The following PLEKHH2 variants were observed in gnomAD, a reference collection of about 807,000 sequenced individuals.
PLEKHH2 encodes the protein pleckstrin homology, MyTH4 and FERM domain containing H2, also known as pleckstrin homology domain-containing family H member 2.
PLEKHH2 carries 129 observed loss-of-function variants against 187.9 expected under a neutral mutation model. That is an observed-to-expected ratio of 0.69 (90% confidence interval 0.59 to 0.79). The LOEUF (loss-of-function observed/expected upper bound fraction) is 0.79. Among genes scored for constraint, PLEKHH2 ranks in the 30% least tolerant of loss-of-function variants. PLEKHH2 has a pLI of 0.00. For missense variants in PLEKHH2, 2,076 were observed against 1,751.2 expected, an observed-to-expected ratio of 1.19 and a Z score of -3.31; for synonymous variants, 686 against 605.6, an observed-to-expected ratio of 1.13 and a Z score of -1.95.
At position 43,707,468 on chromosome 2, in the gene PLEKHH2, C is replaced by T; in HGVS notation, c.1889C>T (p.Ser630Phe). 6.2e-7 allele frequency: 1 copy of T among 1,614,138 alleles called. No homozygotes were observed. Among genetic ancestry groups the T allele is most frequent in the Admixed American group, 1.7e-5 (1 of 60,016 alleles). ...DSSGSEEEDSSRSSSRTSESD... is the reference protein window; with the variant it reads ...DSSGSEEEDSFRSSSRTSESD... ...TCTGGGTCAGAGGAAGAAGACAGCT[C>T]CAGATCCAGCTCCCGGACGTCAGAG... Residue 630 changes from serine (S) to phenylalanine (F), a missense_variant, in exon 11 of 30, where the codon TCC (serine) becomes TTC (phenylalanine). Coordinates refer to ENST00000282406, the MANE Select transcript of PLEKHH2 (RefSeq NM_172069.4).
chr2:43,676,315 G>A (rs1667785227), intron 2 of PLEKHH2: 1 of 1,605,410 alleles, frequency 6.2e-7, no homozygotes, highest in African/African-American at 1.3e-5. Flanking sequence ...CCCACTAGCG[G>A]AAACCATTTT....
chr2:43,667,360 A>G (rs1667268083), intron 2 of PLEKHH2, among the ~76,000 whole-genome samples: 1 of 152,230 alleles, frequency 6.6e-6, no homozygotes, highest in African/African-American at 2.4e-5. Flanking sequence ...TTGTGCAGCC[A>G]CTGTGGAAAA....
At chr2:43,656,990 G>C (rs1437162442) in intron 2 of PLEKHH2, among the ~76,000 whole-genome samples, 1 of 152,152 alleles carries the variant, frequency 6.6e-6, no homozygotes, top group Non-Finnish European at 1.5e-5. Context: ...TTGCACTCTA[G>C]CCTGGGCAAC....
intron 2 of PLEKHH2, among the ~76,000 whole-genome samples, chr2:43,667,843 CT>C (rs1230829430): frequency 6.6e-6 from 1 of 152,058 alleles, no homozygotes; most frequent in African/African-American, 2.4e-5. Flanking sequence ...GGTGATGAAA[CT>C]GTTCTGGAAT....
Position 43,753,700 on chromosome 2 carries a change from A to AAATG in PLEKHH2, c.3736_3739dup (p.Gly1247GlufsTer27). 6.3e-7 allele frequency: 1 copy of AAATG among 1,587,712 alleles called. No individual in the cohort carries two copies. The highest frequency in any genetic ancestry group is 1.4e-5 in the African/African-American group (1 of 73,672). ...TGTATCAGACAAATGATCAAATCAT[A>AAATG]AATGGACTTTTTCCTCTGAACAAAG... On this transcript the variant is annotated frameshift_variant, in exon 25 of 30. Coordinates refer to ENST00000282406, the MANE Select transcript of PLEKHH2 (RefSeq NM_172069.4). LOFTEE classifies it high-confidence loss of function.
intron 2 of PLEKHH2, among the ~76,000 whole-genome samples, chr2:43,653,486 A>G (rs1421183898): frequency 6.6e-6 from 1 of 152,268 alleles, no homozygotes; most frequent in African/African-American, 2.4e-5. Flanking sequence ...TTTTGAAGAC[A>G]TTCAAGGTCC....
At position 43,764,279 on chromosome 2, in the gene PLEKHH2, C is replaced by A; in HGVS notation, c.4210C>A (p.Gln1404Lys). 6.3e-7 allele frequency: 1 copy of A among 1,592,018 alleles called. No homozygotes were observed. The highest frequency in any genetic ancestry group is 8.6e-7 in the Non-Finnish European group (1 of 1,167,366). The change falls in exon 29 of 30, where the codon CAA becomes AAA. Residue 1404 changes from glutamine (Q) to lysine (K), a missense_variant. Transcript: ENST00000282406. ...YKSLMTFGGY[Q>K]DDFMVVINNT... The stretch of plus-strand genomic sequence containing the variant: ...GAGTCTAATGACCTTTGGAGGCTAT[C>A]AAGATGATTTTATGGTAGTCATTAA...
rs1455965624 is a variant in PLEKHH2 at position 43,753,708 on chromosome 2, T to C, written c.3743T>C (p.Leu1248Pro). The C allele has an allele frequency of 6.3e-7, 1 of 1,585,940 alleles. No individual in the cohort carries two copies. Among genetic ancestry groups the C allele is most frequent in the Non-Finnish European group, 8.5e-7 (1 of 1,170,218 alleles). Residue 1248 changes from leucine to proline, a missense_variant, in exon 25 of 30, where the codon CTT (leucine) becomes CCT (proline). Physicochemically the swap from Leu to Pro is moderately conservative, Grantham distance 98 (BLOSUM62 -3). Transcript: ENST00000282406. ...ACAAATGATCAAATCATAAATGGAC[T>C]TTTTCCTCTGAACAAAGATCTGGCA... Reference protein sequence around the residue: ...YQTNDQIINGLFPLNKDLALE... With the variant: ...YQTNDQIINGPFPLNKDLALE...
chr2:43,714,487 C>T (rs1375371667), intron 15 of PLEKHH2, among the ~76,000 whole-genome samples: 1 of 152,136 alleles, frequency 6.6e-6, no homozygotes, highest in Non-Finnish European at 1.5e-5. Flanking sequence ...TCTGAGCTCA[C>T]ATTCAGGCTG....
At chr2:43,719,568 T>C (rs1292466050) in intron 15 of PLEKHH2, among the ~76,000 whole-genome samples, 1 of 152,180 alleles carries the variant, frequency 6.6e-6, no homozygotes, top group African/African-American at 2.4e-5. Flanking sequence ...GCCTCCTGAG[T>C]AGCTGGAACT....
Position 43,694,524 on chromosome 2 carries a change from G to C in PLEKHH2, c.420+10G>C, listed in dbSNP as rs1478641742. 1.3e-6 allele frequency: 2 copies of C among 1,532,112 alleles called. No individual in the cohort carries two copies. The highest frequency in any genetic ancestry group is 3.5e-4 in the Middle Eastern group (2 of 5,770). 94.9% of individuals were successfully genotyped at this position (1,532,112 alleles called of 1,614,324 possible). A position where few individuals can be genotyped will look rare whatever the true frequency, so the allele number is the denominator to read the frequency against. On this transcript the variant is annotated intron_variant, in intron 5 of 29. Coordinates refer to ENST00000282406, the MANE Select transcript of PLEKHH2 (RefSeq NM_172069.4). Reference sequence around the variant, plus strand: ...AGTTAAGTTAAATGAGGTATTTATTGCTATATGTTTTCCTTTTCTTTACCT... The same window carrying C: ...AGTTAAGTTAAATGAGGTATTTATTCCTATATGTTTTCCTTTTCTTTACCT...
intron 2 of PLEKHH2, among the ~76,000 whole-genome samples, chr2:43,657,465 G>A (rs993680340): frequency 6.6e-6 from 1 of 152,192 alleles, no homozygotes; most frequent in Non-Finnish European, 1.5e-5. Flanking sequence ...AGGGCTCCAA[G>A]AAAGAGCAAG....
In PLEKHH2 at chr2:43,655,626, C is replaced by A. The variant is rs559253379; in HGVS notation, c.123+10830C>A. Among the ~76,000 whole-genome samples the A allele has an allele frequency of 4.6e-5, 7 of 152,288 alleles. No homozygotes were observed. In the East Asian group the frequency reaches 1.4e-3, roughly 29 times the overall value. On this transcript the variant is annotated intron_variant, in intron 2 of 29. Coordinates refer to ENST00000282406, the MANE Select transcript of PLEKHH2 (RefSeq NM_172069.4). ...AACCAGAAAGACTTCAGATGTCCCACCTTGTCCTAGAGAAAGAACTAGTGG... is the reference window on the plus strand; with the variant it reads ...AACCAGAAAGACTTCAGATGTCCCAACTTGTCCTAGAGAAAGAACTAGTGG...
At position 43,678,881 on chromosome 2, in the gene PLEKHH2, C is replaced by CA; in HGVS notation, c.144dup (p.Val49SerfsTer3). Reference sequence around the variant, plus strand: ...TCTACAGATGCAACAGCTTGAGAGACAAGTTATTGATGCTGAACGTCAAGC... The same window carrying CA: ...TCTACAGATGCAACAGCTTGAGAGACAAAGTTATTGATGCTGAACGTCAAGC... On this transcript the variant is annotated frameshift_variant, in exon 3 of 30. Coordinates refer to ENST00000282406, the MANE Select transcript of PLEKHH2 (RefSeq NM_172069.4). LOFTEE classifies it high-confidence loss of function. 6.2e-7 allele frequency: 1 copy of CA among 1,606,394 alleles called. No individual in the cohort carries two copies. The highest frequency in any genetic ancestry group is 8.5e-7 in the Non-Finnish European group (1 of 1,174,954).
chr2:43,764,209 C>G lies in PLEKHH2; in HGVS notation c.4159-19C>G, dbSNP rs760182825. On this transcript the variant is annotated intron_variant, in intron 28 of 29. Transcript: ENST00000282406. ...GAAGTAAGAGCATATAACATATATA[C>G]TTTTTCTTATCTTTAAAGAGGTTAA... is the stretch of plus-strand genomic sequence containing the variant. The G allele has an allele frequency of 2.2e-6, 3 of 1,369,448 alleles. No homozygotes were observed. Among genetic ancestry groups the G allele is most frequent in the South Asian group, 3.5e-5 (2 of 56,760 alleles). 84.8% of individuals were successfully genotyped at this position (1,369,448 alleles called of 1,614,324 possible). A position where few individuals can be genotyped will look rare whatever the true frequency, so the allele number is the denominator to read the frequency against.
At chr2:43,757,329 G>T (rs1672251596) in intron 26 of PLEKHH2, 65 bp downstream of exon 26, 1 of 1,254,324 alleles carries the variant, frequency 8.0e-7, no homozygotes, top group South Asian at 2.8e-5. Flanking sequence ...ATATTTTTGT[G>T]TTCAAATTTT....
intron 23 of PLEKHH2, among the ~76,000 whole-genome samples, chr2:43,744,381 A>G (rs1572652171): frequency 6.6e-6 from 1 of 152,234 alleles, no homozygotes; most frequent in East Asian, 1.9e-4. Flanking sequence ...CAAAAGGACC[A>G]GAAATAGTCC....
chr2:43,720,135 T>C (rs2104542852), intron 15 of PLEKHH2, among the ~76,000 whole-genome samples: 2 of 152,320 alleles, frequency 1.3e-5, no homozygotes, highest in Middle Eastern at 6.8e-3. Context: ...TAATTTCCCA[T>C]AATCCACCCC....
rs758722005 is a variant in PLEKHH2 at position 43,710,822 on chromosome 2, A to G, written c.2301+247A>G. 3 of 1,257,300 alleles carry G rather than the reference A, an allele frequency of 2.4e-6. No homozygotes were observed. In the African/African-American group the frequency reaches 4.7e-5, roughly 20 times the overall value. 77.9% of individuals were successfully genotyped at this position (1,257,300 alleles called of 1,614,324 possible). On this transcript the variant is annotated intron_variant, in intron 14 of 29. Coordinates refer to ENST00000282406, the MANE Select transcript of PLEKHH2 (RefSeq NM_172069.4). ...TCTTCCTTTATACTCTTCTTTCCTC[A>G]TATTTAATCTCCTAGGTATTTTCAG...
Sources: gnomAD v4.1 joint callset for allele counts (sites outside exome capture counted in the v4.1 genomes callset) on GRCh38, gnomAD v4.1.1 for gene constraint, MANE v1.5 for transcripts, NCBI Gene and HGNC (gene_info 2026-07-23, HGNC 2026-07-21) for gene names.